DIAPH3: variants seen among roughly 807,000 people sequenced by gnomAD.
DIAPH3 encodes the protein diaphanous related formin 3, also known as protein diaphanous homolog 3.
In DIAPH3, 117 loss-of-function variants were observed where a neutral mutation model predicts 144.3. The ratio of observed to expected loss-of-function variants is 0.81; its 90% CI spans 0.70 to 0.95. The LOEUF (loss-of-function observed/expected upper bound fraction) is 0.95. Ranked by LOEUF, DIAPH3 falls within the 40% of genes least tolerant of loss-of-function variation. The probability of loss-of-function intolerance (pLI) is 0.00; values close to 1 mark genes in which losing one functional copy is unlikely to be tolerated. For synonymous variants in DIAPH3, 519 were observed against 488.9 expected (o/e 1.06, Z -0.81); for missense variants, 1,421 against 1,412.7 (o/e 1.01, Z -0.09).
chr13:59,724,763 C>T (rs534636571), intron 27 of DIAPH3, among the ~76,000 whole-genome samples: 1 of 152,266 alleles, frequency 6.6e-6, no homozygotes, highest in East Asian at 1.9e-4. Context: ...GAAAATTACA[C>T]ATAATAGAAA....
chr13:60,147,684 A>C (rs1363238931), intron 1 of DIAPH3, among the ~76,000 whole-genome samples: 1 of 152,234 alleles, frequency 6.6e-6, no homozygotes, highest in Non-Finnish European at 1.5e-5. Context: ...GGGACCTACA[A>C]GTAAATTGTA....
intron 25 of DIAPH3, among the ~76,000 whole-genome samples, chr13:59,798,522 C>T (rs1483912183): frequency 6.6e-6 from 1 of 152,228 alleles, no homozygotes; most frequent in South Asian, 2.1e-4. Context: ...GGCACAGAAA[C>T]TCTGGCCCTT....
chr13:59,752,543 T>A (rs769688314), intron 27 of DIAPH3, among the ~76,000 whole-genome samples: 2 of 152,080 alleles, frequency 1.3e-5, no homozygotes, highest in Non-Finnish European at 2.9e-5. Flanking sequence ...AATTTTTGTA[T>A]TTTTGTTAGA....
At chr13:59,790,111 C>G (rs1313060966) in intron 25 of DIAPH3, among the ~76,000 whole-genome samples, 1 of 152,150 alleles carries the variant, frequency 6.6e-6, no homozygotes, top group Admixed American at 6.5e-5. Flanking sequence ...TCCCATGGGA[C>G]TTAAATGTAA....
chr13:60,000,258 A>G (rs2052443027), intron 9 of DIAPH3, among the ~76,000 whole-genome samples: 1 of 152,096 alleles, frequency 6.6e-6, no homozygotes, highest in African/African-American at 2.4e-5. Context: ...ACCAACCATC[A>G]ATCACCCCTG....
At chr13:60,085,948 A>T (rs1221621685) in intron 4 of DIAPH3, among the ~76,000 whole-genome samples, 1 of 152,130 alleles carries the variant, frequency 6.6e-6, no homozygotes, top group African/African-American at 2.4e-5. Flanking sequence ...ACAGGGTGAA[A>T]ATGACCTTGG....
chr13:59,976,174 C>T (rs1594190895), intron 14 of DIAPH3, among the ~76,000 whole-genome samples: 1 of 151,930 alleles, frequency 6.6e-6, no homozygotes, highest in African/African-American at 2.4e-5. Flanking sequence ...ACTTTTCTGA[C>T]CTGTTGAACT....
intron 27 of DIAPH3, among the ~76,000 whole-genome samples, chr13:59,751,881 A>C (rs1478279623): frequency 6.6e-6 from 1 of 152,216 alleles, no homozygotes; most frequent in Non-Finnish European, 1.5e-5. Flanking sequence ...TCTGCAGTCA[A>C]GCTTCATAAA....
intron 24 of DIAPH3, among the ~76,000 whole-genome samples, chr13:59,825,270 G>A (rs1027532607): frequency 6.6e-6 from 1 of 151,850 alleles, no homozygotes; most frequent in Admixed American, 6.6e-5. Context: ...TCCCACCTAC[G>A]AGTGAGAACA....
At chr13:59,802,856 T>C (rs1449703939) in intron 25 of DIAPH3, among the ~76,000 whole-genome samples, 1 of 149,140 alleles carries the variant, frequency 6.7e-6, no homozygotes, top group Non-Finnish European at 1.5e-5. Flanking sequence ...TAATTTTTTT[T>C]TGTATTTTTA....
intron 10 of DIAPH3, 95 bp downstream of exon 10, chr13:59,992,378 A>C: frequency 8.5e-7 from 1 of 1,180,078 alleles, no homozygotes; most frequent in South Asian, 1.4e-5. Context: ...CTTTTCCCAC[A>C]GATAAATTAT....
At chr13:60,130,866 G>T (rs1279511208) in intron 2 of DIAPH3, among the ~76,000 whole-genome samples, 1 of 152,102 alleles carries the variant, frequency 6.6e-6, no homozygotes, top group Non-Finnish European at 1.5e-5. Context: ...GGTGAGGAAT[G>T]GGGGAAGGTC....
intron 27 of DIAPH3, among the ~76,000 whole-genome samples, chr13:59,672,645 G>C (rs907691685): frequency 1.3e-5 from 2 of 152,172 alleles, no homozygotes; most frequent in Non-Finnish European, 2.9e-5. Flanking sequence ...GAAGTTAGTG[G>C]TGGCCGCCAG....
intron 27 of DIAPH3, among the ~76,000 whole-genome samples, chr13:59,677,615 A>G (rs749846076): frequency 7.9e-5 from 12 of 152,154 alleles, no homozygotes; most frequent in Non-Finnish European, 1.8e-4. Context: ...TCAGGAGCTT[A>G]AGAGCCACAC....
chr13:59,683,290 C>T (rs757154860), intron 27 of DIAPH3, among the ~76,000 whole-genome samples: 125 of 151,942 alleles, frequency 8.2e-4, no homozygotes, highest in Admixed American at 1.3e-3. Flanking sequence ...TTTTCAAAGC[C>T]GTATTGAATC....
chr13:59,934,141 T>C (rs911942151), intron 17 of DIAPH3, among the ~76,000 whole-genome samples: 1 of 152,098 alleles, frequency 6.6e-6, no homozygotes, highest in African/African-American at 2.4e-5. Flanking sequence ...TAAAAACCAG[T>C]TTTCTCTTTC....
intron 4 of DIAPH3, among the ~76,000 whole-genome samples, chr13:60,060,433 A>G (rs960825657): frequency 1.3e-5 from 2 of 152,098 alleles, no homozygotes; most frequent in African/African-American, 2.4e-5. Flanking sequence ...CACAATAAGC[A>G]AATATTCTCT....
chr13:60,042,774 T>C lies in DIAPH3; in HGVS notation c.542A>G (p.His181Arg), dbSNP rs1336620348. 6.2e-7 allele frequency: 1 copy of C among 1,613,696 alleles called. No homozygotes were observed. Among genetic ancestry groups the C allele is most frequent in the Non-Finnish European group, 8.5e-7 (1 of 1,179,730 alleles). Residue 181 changes from histidine to arginine, a missense_variant, in exon 5 of 28, where the codon CAT (histidine) becomes CGT (arginine). Coordinates refer to ENST00000400324, the MANE Select transcript of DIAPH3 (RefSeq NM_001042517.2). ...SRQISPQEFI[H>R]ELKMGSADER... Reference sequence around the variant, plus strand: ...ATCTGCAGACCCCATTTTCAGCTCATGAATGAATTCCTGAGGTGAGATCTG... The same window carrying C: ...ATCTGCAGACCCCATTTTCAGCTCACGAATGAATTCCTGAGGTGAGATCTG...
chr13:59,771,109 C>A (rs7988027), intron 27 of DIAPH3, among the ~76,000 whole-genome samples: 1 of 152,006 alleles, frequency 6.6e-6, no homozygotes, highest in Non-Finnish European at 1.5e-5. Context: ...TTAGCCCCAA[C>A]GTCCAGGAGG....
Sources: gnomAD v4.1 joint callset for allele counts (sites outside exome capture counted in the v4.1 genomes callset) on GRCh38, gnomAD v4.1.1 for gene constraint, MANE v1.5 for transcripts, NCBI Gene and HGNC (gene_info 2026-07-23, HGNC 2026-07-21) for gene names.